Variants in CSMD1 observed in about 807,000 individuals in gnomAD.
CSMD1 encodes the protein CUB and sushi domain-containing protein 1.
CSMD1 carries 213 observed loss-of-function variants against 417.5 expected under a neutral mutation model. The ratio of observed to expected loss-of-function variants is 0.51; its 90% CI spans 0.46 to 0.57. The LOEUF (loss-of-function observed/expected upper bound fraction) is 0.57, where lower values mean the gene tolerates loss of function less well. Among genes scored for constraint, CSMD1 ranks in the 20% least tolerant of loss-of-function variants. The pLI is 0.00. For synonymous variants in CSMD1, 2,862 were observed against 1,736.8 expected (o/e 1.65, Z -16.11); for missense variants, 6,923 against 4,529.7 (o/e 1.53, Z -15.17).
intron 3 of CSMD1, among the ~76,000 whole-genome samples, chr8:4,381,976 G>T (rs925447310): frequency 6.6e-6 from 1 of 152,084 alleles, no homozygotes; most frequent in Non-Finnish European, 1.5e-5. Context: ...CACTCTCTGT[G>T]GTAAAATGAC....
At chr8:3,983,415 C>T (rs953040743) in intron 5 of CSMD1, among the ~76,000 whole-genome samples, 1 of 152,052 alleles carries the variant, frequency 6.6e-6, no homozygotes, top group Non-Finnish European at 1.5e-5. Context: ...CAGGCGTGAG[C>T]CACCGCGCCC....
chr8:4,446,432 C>A (rs1267048120), intron 2 of CSMD1, among the ~76,000 whole-genome samples: 1 of 152,084 alleles, frequency 6.6e-6, no homozygotes, highest in Non-Finnish European at 1.5e-5. Flanking sequence ...CCTGTAGTCC[C>A]CGCTACTCAG....
In CSMD1 at chr8:3,636,873, G is replaced by A. The variant is rs577507701; in HGVS notation, c.1010-20076C>T. 2.4e-4 allele frequency among the ~76,000 whole-genome samples: 37 copies of A among 152,244 alleles called. No individual in the cohort carries two copies. In the South Asian group the frequency reaches 7.3e-3, roughly 30 times the overall value. ...TCCAAGACTCATGTTGAGATATATA[G>A]ATTTTGTTGCCATTGTGAGGTAACT... is the stretch of plus-strand genomic sequence containing the variant. On this transcript the variant is annotated intron_variant, in intron 7 of 69. Coordinates refer to ENST00000635120, the MANE Select transcript of CSMD1 (RefSeq NM_033225.6).
chr8:3,609,573 T>C (rs1210128959), intron 8 of CSMD1, among the ~76,000 whole-genome samples: 1 of 152,042 alleles, frequency 6.6e-6, no homozygotes, highest in Non-Finnish European at 1.5e-5. Context: ...TGAAACCAGA[T>C]GAGGAATATT....
rs968620062 is a variant in CSMD1, at chr8:3,114,662, A to G, written c.6430+3737T>C. Among the ~76,000 whole-genome samples, 4 of 152,042 alleles carry G rather than the reference A, an allele frequency of 2.6e-5. 1 individual carries two copies. Among genetic ancestry groups the G allele is most frequent in the Admixed American group, 2.0e-4 (3 of 15,254 alleles). On this transcript the variant is annotated intron_variant, in intron 42 of 69. Transcript: ENST00000635120. ...TGGTAATGGAGATTTTAAAGACTGT[A>G]TTTGTGAATGCAGGTAAGAAAAATA...
At chr8:4,283,571 T>C (rs988057752) in intron 3 of CSMD1, among the ~76,000 whole-genome samples, 2 of 152,194 alleles carry the variant, frequency 1.3e-5, no homozygotes, top group Non-Finnish European at 2.9e-5. Flanking sequence ...TAGTTAAAAG[T>C]CTTCAACATG....
At chr8:4,463,819 G>T (rs540242286) in intron 2 of CSMD1, among the ~76,000 whole-genome samples, 5 of 152,212 alleles carry the variant, frequency 3.3e-5, no homozygotes, top group African/African-American at 1.2e-4. Flanking sequence ...AAATAACTGT[G>T]GTGATGAATG....
At chr8:4,958,301 T>C (rs929981304) in intron 1 of CSMD1, among the ~76,000 whole-genome samples, 1 of 152,342 alleles carries the variant, frequency 6.6e-6, no homozygotes. Context: ...TCAATTTTTT[T>C]TTAACTTTTA....
intron 3 of CSMD1, among the ~76,000 whole-genome samples, chr8:4,084,542 G>A (rs1023679657): frequency 1.3e-5 from 2 of 152,100 alleles, no homozygotes; most frequent in East Asian, 1.9e-4. Context: ...TCAAGGAAAA[G>A]GACAATTGGT....
In CSMD1 at chr8:3,045,117, C is replaced by T. The variant is rs563489285; in HGVS notation, c.7660+7345G>A. Among the ~76,000 whole-genome samples, 5 of 152,190 alleles carry T rather than the reference C, an allele frequency of 3.3e-5. No individual in the cohort carries two copies. The East Asian group carries it at 5.8e-4, about 18-fold the overall frequency. ...CTTTTTTACAAACTTTAAAGAACGA[C>T]GGGAGGAAATGCTTACTTGAAAGTT... is the stretch of plus-strand genomic sequence containing the variant. On this transcript the variant is annotated intron_variant, in intron 50 of 69. Coordinates refer to ENST00000635120, the MANE Select transcript of CSMD1 (RefSeq NM_033225.6).
intron 3 of CSMD1, among the ~76,000 whole-genome samples, chr8:4,245,970 C>A (rs887185297): frequency 6.6e-6 from 1 of 152,052 alleles, no homozygotes; most frequent in Non-Finnish European, 1.5e-5. Flanking sequence ...CTATCAGGGC[C>A]GTGGACAGGG....
At chr8:3,663,326 C>T (rs541293741) in intron 7 of CSMD1, among the ~76,000 whole-genome samples, 2 of 152,250 alleles carry the variant, frequency 1.3e-5, no homozygotes, top group South Asian at 4.1e-4. Flanking sequence ...CAGAGGTAGG[C>T]ATGGTGCGTT....
intron 2 of CSMD1, among the ~76,000 whole-genome samples, chr8:4,441,423 T>A (rs529591726): frequency 6.6e-6 from 1 of 151,830 alleles, no homozygotes; most frequent in African/African-American, 2.4e-5. Context: ...CCAGAAGTCA[T>A]CTTTAAGATT....
chr8:4,899,790 C>G (rs1057212073), intron 1 of CSMD1, among the ~76,000 whole-genome samples: 1 of 152,066 alleles, frequency 6.6e-6, no homozygotes, highest in Non-Finnish European at 1.5e-5. Flanking sequence ...CAAGAGGATA[C>G]AAGCACAGAA....
intron 3 of CSMD1, among the ~76,000 whole-genome samples, chr8:4,269,318 C>G (rs570268649): frequency 4.5e-4 from 69 of 152,262 alleles, no homozygotes; most frequent in Middle Eastern, 3.4e-3. Flanking sequence ...CCCGCACTGG[C>G]CTCCCCCAAA....
At chr8:4,587,391 ATG>A (rs1799756132) in intron 2 of CSMD1, among the ~76,000 whole-genome samples, 1 of 76,526 alleles carries the variant, frequency 1.3e-5, no homozygotes, top group East Asian at 3.5e-4. Flanking sequence ...ATGTACATAC[ATG>A]TATATGTGGA....
chr8:3,144,260 C>G (rs1818692845), intron 40 of CSMD1, among the ~76,000 whole-genome samples: 1 of 147,752 alleles, frequency 6.8e-6, no homozygotes, highest in Non-Finnish European at 1.5e-5. Flanking sequence ...ACAAAGGCCT[C>G]ACTTTTTCTG....
At chr8:4,917,774 A>G (rs1235465820) in intron 1 of CSMD1, among the ~76,000 whole-genome samples, 1 of 152,238 alleles carries the variant, frequency 6.6e-6, no homozygotes, top group African/African-American at 2.4e-5. Context: ...ACCTAATAAT[A>G]AAAGCCATAA....
intron 3 of CSMD1, among the ~76,000 whole-genome samples, chr8:4,058,250 A>T (rs567705569): frequency 1.3e-5 from 2 of 152,160 alleles, no homozygotes; most frequent in Non-Finnish European, 1.5e-5. Context: ...GGTCCTTCAC[A>T]TCCCTTGTAA....
Sources: allele counts gnomAD v4.1 joint callset (sites outside exome capture counted in the v4.1 genomes callset), GRCh38; gene constraint gnomAD v4.1.1; transcripts MANE v1.5; gene names NCBI Gene and HGNC (gene_info 2026-07-23, HGNC 2026-07-21).